The following CFAP221 variants were observed in gnomAD, a reference collection of about 807,000 sequenced individuals.
The protein encoded by CFAP221 is cilia and flagella associated protein 221, also known as cilia- and flagella-associated protein 221.
In CFAP221, 97 loss-of-function variants were observed where a neutral mutation model predicts 113.1. The ratio of observed to expected loss-of-function variants is 0.86; its 90% CI spans 0.73 to 1.02. The LOEUF is 1.02. Ranked by LOEUF, CFAP221 falls within the 50% of genes least tolerant of loss-of-function variation. The pLI is 0.00. For synonymous variants in CFAP221, 331 were observed against 354.4 expected (o/e 0.93, Z 0.74); for missense variants, 1,025 against 1,013.4 (o/e 1.01, Z -0.16).
intron 13 of CFAP221, among the ~76,000 whole-genome samples, chr2:119,612,860 T>C (rs1685272278): frequency 6.6e-6 from 1 of 152,152 alleles, no homozygotes; most frequent in African/African-American, 2.4e-5. Context: ...CAGCATTAAC[T>C]CAAAAGTCTC....
intron 22 of CFAP221, among the ~76,000 whole-genome samples, chr2:119,649,184 T>C (rs1687981256): frequency 6.6e-6 from 1 of 152,202 alleles, no homozygotes; most frequent in South Asian, 2.1e-4. Context: ...ATCAAAATAT[T>C]ATGGAAACTA....
intron 8 of CFAP221, among the ~76,000 whole-genome samples, chr2:119,604,130 A>G (rs572580602): frequency 6.6e-6 from 1 of 152,338 alleles, no homozygotes; most frequent in East Asian, 1.9e-4. Context: ...AGCATTTTTC[A>G]GCATGTCATG....
At chr2:119,559,863 C>T in intron 4 of CFAP221, 65 bp from the exon 5 acceptor site, 1 of 1,484,360 alleles carries the variant, frequency 6.7e-7, no homozygotes, top group South Asian at 1.2e-5. Context: ...GGTGTGTTGT[C>T]ACCCCCGGTG....
intron 6 of CFAP221, among the ~76,000 whole-genome samples, chr2:119,579,508 G>A (rs1192342284): frequency 1.3e-5 from 2 of 152,060 alleles, no homozygotes; most frequent in Non-Finnish European, 2.9e-5. Flanking sequence ...TGATTATGGT[G>A]GCCATGCAAA....
Position 119,604,879 on chromosome 2 carries a change from A to T in CFAP221, c.916A>T (p.Ile306Phe). The T allele has an allele frequency of 6.2e-7, 1 of 1,614,046 alleles. No homozygotes were observed. Among genetic ancestry groups the T allele is most frequent in the Non-Finnish European group, 8.5e-7 (1 of 1,179,964 alleles). Residue 306 changes from isoleucine (I) to phenylalanine (F), a missense_variant, in exon 10 of 24, where the codon ATT becomes TTT. Physicochemically the swap from Ile to Phe is conservative, Grantham distance 21. Transcript: ENST00000413369. ...AKPKPQKVKEIEYQNLRFPVD... is the reference protein window; with the variant it reads ...AKPKPQKVKEFEYQNLRFPVD... ...CCCTATTGATTTGGTCTCTTAGGAA[A>T]TTGAGTACCAGAACCTCAGATTTCC...
intron 12 of CFAP221, among the ~76,000 whole-genome samples, chr2:119,611,416 ACGTC>A (rs1685153816): frequency 7.3e-6 from 1 of 137,100 alleles, no homozygotes; most frequent in African/African-American, 2.7e-5. Flanking sequence ...GAGCGAGACA[ACGTC>A]AAAAAAAAAA....
chr2:119,575,639 A>T (rs1682393634), intron 6 of CFAP221, among the ~76,000 whole-genome samples: 1 of 152,174 alleles, frequency 6.6e-6, no homozygotes, highest in Non-Finnish European at 1.5e-5. Context: ...TCAGTTTTGC[A>T]AGATGAAAAA....
At chr2:119,592,636 G>C (rs780073644) in intron 7 of CFAP221, among the ~76,000 whole-genome samples, 1 of 152,130 alleles carries the variant, frequency 6.6e-6, no homozygotes, top group Non-Finnish European at 1.5e-5. Flanking sequence ...TGGCTGTCTG[G>C]ATGCTGTCAC....
chr2:119,571,375 G>T (rs1682042682), intron 6 of CFAP221, among the ~76,000 whole-genome samples: 1 of 151,732 alleles, frequency 6.6e-6, no homozygotes, highest in Non-Finnish European at 1.5e-5. Flanking sequence ...CCTGACCTCA[G>T]GTGATCCACC....
chr2:119,566,613 G>A (rs1426211679), intron 6 of CFAP221, among the ~76,000 whole-genome samples: 1 of 152,200 alleles, frequency 6.6e-6, no homozygotes, highest in Non-Finnish European at 1.5e-5. Flanking sequence ...CTTTCTGCAG[G>A]GGCAGTTTGT....
chr2:119,604,432 CAA>C (rs1377204390), intron 8 of CFAP221, among the ~76,000 whole-genome samples: 1 of 147,710 alleles, frequency 6.8e-6, no homozygotes, highest in African/African-American at 2.5e-5. Flanking sequence ...GACTCCATCT[CAA>C]AAAAAAAGAA....
intron 6 of CFAP221, among the ~76,000 whole-genome samples, chr2:119,585,434 A>G (rs1035185919): frequency 3.9e-5 from 6 of 152,226 alleles, no homozygotes; most frequent in African/African-American, 1.4e-4. Flanking sequence ...AAACCTGACT[A>G]TCTTAAAGCA....
At chr2:119,575,229 A>T (rs1363962019) in intron 6 of CFAP221, among the ~76,000 whole-genome samples, 1 of 152,180 alleles carries the variant, frequency 6.6e-6, no homozygotes, top group Non-Finnish European at 1.5e-5. Context: ...AGTCTGCAGG[A>T]TGCTTTTCAT....
chr2:119,570,452 C>G (rs923090156), intron 6 of CFAP221, among the ~76,000 whole-genome samples: 13 of 152,158 alleles, frequency 8.5e-5, no homozygotes, highest in Non-Finnish European at 4.4e-5. Flanking sequence ...TTAGTATATG[C>G]AACTATCACC....
In CFAP221 at chr2:119,647,041, CAGT is replaced by C; in HGVS notation, c.2312_2314del (p.Val771del). 1 of 1,569,210 alleles carries C rather than the reference CAGT, an allele frequency of 6.4e-7. No individual in the cohort carries two copies. The highest frequency in any genetic ancestry group is 8.6e-7 in the Non-Finnish European group (1 of 1,163,474). ...TTACCAGAAGAGGACAGACTAGAAA[CAGT>C]AGAACGGTATTTTTTTTTTTTTTAA... is the stretch of plus-strand genomic sequence containing the variant. On this transcript the variant is annotated inframe_deletion, in exon 22 of 24. Coordinates refer to ENST00000413369, the MANE Select transcript of CFAP221 (RefSeq NM_001271049.2).
intron 11 of CFAP221, among the ~76,000 whole-genome samples, chr2:119,606,165 A>G (rs1574113590): frequency 1.4e-5 from 2 of 148,048 alleles, no homozygotes; most frequent in Admixed American, 1.3e-4. Flanking sequence ...CACCATGCCC[A>G]GCAAATTTTT....
chr2:119,613,298 G>C (rs1225488568), intron 13 of CFAP221, among the ~76,000 whole-genome samples: 4 of 152,190 alleles, frequency 2.6e-5, no homozygotes, highest in Non-Finnish European at 4.4e-5. Flanking sequence ...GAGGATGGTG[G>C]CCCTCTTCTT....
At chr2:119,552,646 T>C (rs1404332032) in intron 3 of CFAP221, among the ~76,000 whole-genome samples, 1 of 15,346 alleles carries the variant, frequency 6.5e-5, no homozygotes, top group African/African-American at 3.0e-4. Flanking sequence ...AAGAAATAAA[T>C]AGAAATATTT....
chr2:119,657,003 T>A (rs146033122), downstream of CFAP221, among the ~76,000 whole-genome samples: 29 of 152,040 alleles, frequency 1.9e-4, no homozygotes, highest in Non-Finnish European at 3.5e-4. Context: ...GGAGGAAGCA[T>A]CCTCCTGGGA....
Sources: gnomAD v4.1 joint callset for allele counts (sites outside exome capture counted in the v4.1 genomes callset) on GRCh38, gnomAD v4.1.1 for gene constraint, MANE v1.5 for transcripts, NCBI Gene and HGNC (gene_info 2026-07-23, HGNC 2026-07-21) for gene names.